COL23A1: variants seen among roughly 807,000 people sequenced by gnomAD.
COL23A1 encodes collagen alpha-1(XXIII) chain.
A neutral mutation model predicts 99.3 loss-of-function variants in COL23A1; 97 were observed. The ratio of observed to expected loss-of-function variants is 0.98; its 90% confidence interval spans 0.83 to 1.16. The LOEUF (loss-of-function observed/expected upper bound fraction) is 1.16, where lower values mean the gene tolerates loss of function less well. COL23A1 is among the 50% of genes most tolerant of loss of function. The pLI, the probability that COL23A1 is intolerant of heterozygous loss-of-function variation, is 0.00. For synonymous variants in COL23A1, 320 were observed against 308.2 expected, an observed-to-expected ratio of 1.04 and a Z score of -0.40; for missense variants, 762 against 757.4, an observed-to-expected ratio of 1.01 and a Z score of -0.07.
chr5:178,553,791 C>A (rs1545751), intron 2 of COL23A1, among the ~76,000 whole-genome samples: 20,992 of 152,144 alleles, frequency 0.14, 2,155 homozygotes, highest in East Asian at 0.41. Context: ...GAAGAACGTG[C>A]CAGTAAAGTC....
chr5:178,275,933 C>T (rs1254583205), intron 5 of COL23A1, among the ~76,000 whole-genome samples: 1 of 152,172 alleles, frequency 6.6e-6, no homozygotes, highest in Non-Finnish European at 1.5e-5. Flanking sequence ...TGAGGGTCTC[C>T]TCCATCTCCT....
At chr5:178,261,490 G>A (rs969380231) in intron 11 of COL23A1, among the ~76,000 whole-genome samples, 32 of 152,150 alleles carry the variant, frequency 2.1e-4, no homozygotes, top group African/African-American at 7.2e-4. Context: ...TTCAACCCTC[G>A]CAACTCAGTG....
chr5:178,247,193 G>T (rs1764746729), intron 22 of COL23A1, among the ~76,000 whole-genome samples: 1 of 152,130 alleles, frequency 6.6e-6, no homozygotes, highest in Non-Finnish European at 1.5e-5. Context: ...GGGGAGAGGT[G>T]GGGACAGTGC....
intron 2 of COL23A1, among the ~76,000 whole-genome samples, chr5:178,401,782 C>A (rs1764460775): frequency 1.3e-5 from 2 of 152,188 alleles, no homozygotes; most frequent in Non-Finnish European, 2.9e-5. Context: ...GGTTGCTCTG[C>A]AATCTCACCA....
At chr5:178,399,372 T>G (rs7734802) in intron 2 of COL23A1, among the ~76,000 whole-genome samples, 5,577 of 152,238 alleles carry the variant, frequency 0.037, 317 homozygotes, top group African/African-American at 0.12. Flanking sequence ...CTGCCAGCAC[T>G]CACTAGCTGC....
intron 2 of COL23A1, among the ~76,000 whole-genome samples, chr5:178,515,043 AAG>A (rs2127998183): frequency 6.6e-6 from 1 of 152,364 alleles, no homozygotes; most frequent in Non-Finnish European, 1.5e-5. Context: ...CCACATGCTC[AAG>A]AAAGTTGACG....
At chr5:178,477,404 C>T (rs905362546) in intron 2 of COL23A1, among the ~76,000 whole-genome samples, 30 of 152,144 alleles carry the variant, frequency 2.0e-4, no homozygotes, top group Non-Finnish European at 4.0e-4. Context: ...TAGTTTTACC[C>T]ATATTTATGC....
chr5:178,358,287 TGC>T (rs1409710880), intron 2 of COL23A1, among the ~76,000 whole-genome samples: 44 of 148,830 alleles, frequency 3.0e-4, no homozygotes, highest in East Asian at 1.8e-3. Context: ...TGTATGCGTG[TGC>T]GTATATGTAT....
chr5:178,312,914 C>T (rs1758780524), intron 2 of COL23A1, among the ~76,000 whole-genome samples: 1 of 152,190 alleles, frequency 6.6e-6, no homozygotes, highest in Non-Finnish European at 1.5e-5. Flanking sequence ...GAATTACTAC[C>T]AGGCGCAACA....
chr5:178,373,288 G>A (rs1762898202), intron 2 of COL23A1, among the ~76,000 whole-genome samples: 1 of 152,256 alleles, frequency 6.6e-6, no homozygotes, highest in Admixed American at 6.5e-5. Context: ...CCACAGGGTT[G>A]CCATGGCTGT....
Position 178,589,828 on chromosome 5 carries a change from C to T in COL23A1, c.294+76G>A, listed in dbSNP as rs1336508042. ...CCTCCTCCCAGAGACCTGCACGCTG[C>T]CCCCGGCTCCCAGCGTACCGCCACC... On this transcript the variant is annotated intron_variant, in intron 1 of 28. Coordinates refer to ENST00000390654, the MANE Select transcript of COL23A1 (RefSeq NM_173465.4). This position sits in a 1 kb window ranked among gnomAD's most constrained non-coding sequence, Gnocchi z 5.4. 13 of 1,201,692 alleles carry T rather than the reference C, an allele frequency of 1.1e-5. No individual in the cohort carries two copies. Among genetic ancestry groups the T allele is most frequent in the Non-Finnish European group, 1.4e-5 (13 of 958,560 alleles). 74.4% of individuals were successfully genotyped at this position (1,201,692 alleles called of 1,614,324 possible).
At chr5:178,250,229 T>C (rs1051800324) in intron 17 of COL23A1, 124 bp from the exon 18 acceptor site, 2 of 1,048,474 alleles carry the variant, frequency 1.9e-6, no homozygotes, top group Non-Finnish European at 2.9e-6. Flanking sequence ...GACCTCTAGC[T>C]GTGCCAGGAC....
chr5:178,433,639 T>G lies in COL23A1; in HGVS notation c.362-126720A>C, dbSNP rs141889854. 1.7e-3 allele frequency among the ~76,000 whole-genome samples: 261 copies of G among 152,290 alleles called. 2 individuals are homozygous for G. Among genetic ancestry groups the G allele is most frequent in the African/African-American group, 5.8e-3 (242 of 41,566 alleles). On this transcript the variant is annotated intron_variant, in intron 2 of 28. Coordinates refer to ENST00000390654, the MANE Select transcript of COL23A1 (RefSeq NM_173465.4). Reference sequence around the variant, plus strand: ...GGCCCTGAGCCACCAGTCACGTCATTACATACAAAGACACTCCTATCACTC... The same window carrying G: ...GGCCCTGAGCCACCAGTCACGTCATGACATACAAAGACACTCCTATCACTC...
intron 2 of COL23A1, among the ~76,000 whole-genome samples, chr5:178,316,878 A>T (rs1759010458): frequency 1.3e-5 from 2 of 152,112 alleles, no homozygotes; most frequent in Admixed American, 1.3e-4. Context: ...CTTGGCATTA[A>T]CAGTTTTTCT....
intron 2 of COL23A1, among the ~76,000 whole-genome samples, chr5:178,346,263 T>C (rs906687898): frequency 2.0e-5 from 3 of 152,212 alleles, no homozygotes; most frequent in African/African-American, 4.8e-5. Context: ...AGATGGAGTT[T>C]CGTTCTGTCG....
Position 178,250,978 on chromosome 5 carries a change from C to CA in COL23A1, c.1015-874dup, listed in dbSNP as rs558621690. Among the ~76,000 whole-genome samples the CA allele has an allele frequency of 8.0e-3, 579 of 72,038 alleles. 9 individuals are homozygous for CA. The highest frequency in any genetic ancestry group is 0.025 in the African/African-American group (497 of 19,536). 47.3% of individuals were successfully genotyped at this position (72,038 alleles called of 152,430 possible). On this transcript the variant is annotated intron_variant, in intron 17 of 28. Coordinates refer to ENST00000390654, the MANE Select transcript of COL23A1 (RefSeq NM_173465.4). ...TGGGCAAAAGAGCAAGACTCCGTCT[C>CA]AAAAAAAAAAAAAAAAAAAAAGAGT...
chr5:178,311,270 A>AGAG (rs1758654167), intron 2 of COL23A1, among the ~76,000 whole-genome samples: 1 of 152,054 alleles, frequency 6.6e-6, no homozygotes, highest in Non-Finnish European at 1.5e-5. Context: ...ACTCAACCTC[A>AGAG]TTGAACCTTA....
intron 2 of COL23A1, among the ~76,000 whole-genome samples, chr5:178,355,077 T>G (rs1761562094): frequency 6.6e-6 from 1 of 151,750 alleles, no homozygotes; most frequent in Non-Finnish European, 1.5e-5. Context: ...AAAAATGGAT[T>G]TTTAAAATGC....
chr5:178,246,730 G>A (rs1376241016), intron 22 of COL23A1, among the ~76,000 whole-genome samples: 5 of 1,380 alleles, frequency 3.6e-3, no homozygotes, highest in East Asian at 0.019. Flanking sequence ...ACGGGGGGCG[G>A]GGGGGGGGGG....
Sources: allele counts gnomAD v4.1 joint callset (sites outside exome capture counted in the v4.1 genomes callset), GRCh38; gene constraint gnomAD v4.1.1; non-coding constraint Gnocchi (gnomAD v3.1); transcripts MANE v1.5; gene names NCBI Gene and HGNC (gene_info 2026-07-23, HGNC 2026-07-21).